The following GID4 variants were observed in gnomAD, a reference collection of about 807,000 sequenced individuals.
GID4 encodes the protein glucose-induced degradation protein 4 homolog.
GID4 carries 7 observed loss-of-function variants against 32.4 expected under a neutral mutation model. The ratio of observed to expected loss-of-function variants is 0.22; its 90% CI spans 0.12 to 0.41. The LOEUF is 0.41. Ranked by LOEUF, GID4 falls within the 10% of genes least tolerant of loss-of-function variation. The probability of loss-of-function intolerance (pLI) is 1.00; values close to 1 mark genes in which losing one functional copy is unlikely to be tolerated. For synonymous variants in GID4, 166 were observed against 170.0 expected (o/e 0.98, Z 0.18); for missense variants, 309 against 400.0 (o/e 0.77, Z 1.94).
chr17:18,049,112 G>C (rs1008617163), intron 2 of GID4, among the ~76,000 whole-genome samples: 5 of 151,480 alleles, frequency 3.3e-5, no homozygotes, highest in Non-Finnish European at 5.9e-5. Context: ...GAGGCAGCTG[G>C]ATCGCCTGAG....
intron 2 of GID4, among the ~76,000 whole-genome samples, chr17:18,050,048 A>G (rs944328821): frequency 6.6e-6 from 1 of 152,216 alleles, no homozygotes; most frequent in African/African-American, 2.4e-5. Flanking sequence ...TTCACGCAAA[A>G]GACATGATCT....
At chr17:18,041,141 C>T (rs1263451906) in intron 1 of GID4, among the ~76,000 whole-genome samples, 1 of 152,104 alleles carries the variant, frequency 6.6e-6, no homozygotes, top group Admixed American at 6.6e-5. Flanking sequence ...AGGCTGTTCC[C>T]AGAAGCCCCT....
At chr17:18,063,090 A>G (rs1162820948) in intron 5 of GID4, among the ~76,000 whole-genome samples, 18 of 141,860 alleles carry the variant, frequency 1.3e-4, no homozygotes, top group Non-Finnish European at 2.6e-4. Context: ...AAATAAATAA[A>G]TAAATAAATA....
intron 3 of GID4, chr17:18,057,282 A>C: frequency 2.5e-6 from 1 of 397,728 alleles, no homozygotes; most frequent in Non-Finnish European, 4.6e-6. Flanking sequence ...AAATATAAAA[A>C]TTAACCAGGC....
chr17:18,055,835 C>T (rs554037362), intron 3 of GID4, among the ~76,000 whole-genome samples: 2 of 150,916 alleles, frequency 1.3e-5, no homozygotes, highest in Non-Finnish European at 3.0e-5. Context: ...TTGTTTTGTT[C>T]TGTTTTGTTT....
Position 18,039,496 on chromosome 17 carries a change from C to G in GID4, c.32C>G (p.Thr11Ser), listed in dbSNP as rs2044760585. ...GCGCGAGGGCAAGTCGGGAGGGGGACCCAGCTCAGGACTGGGAGGCCCTGC... is the reference window on the plus strand; with the variant it reads ...GCGCGAGGGCAAGTCGGGAGGGGGAGCCAGCTCAGGACTGGGAGGCCCTGC... The part of the protein sequence containing the change: MCARGQVGRG[T>S]QLRTGRPCSQ... The change falls in exon 1 of 6, where the codon ACC becomes AGC. Residue 11 changes from threonine (T) to serine (S), a missense_variant. Thr to Ser is a moderately conservative substitution (Grantham distance 58, BLOSUM62 1). This residue lies in a region of GID4 where 193 missense variants were observed against 185.8 expected (regional missense o/e 1.04). Transcript: ENST00000268719. This position sits in a 1 kb window ranked among gnomAD's most constrained non-coding sequence, Gnocchi z 5.3. The G allele has an allele frequency of 7.5e-7, 1 of 1,335,082 alleles. No homozygotes were observed. Among genetic ancestry groups the G allele is most frequent in the South Asian group, 2.1e-5 (1 of 47,366 alleles). 82.7% of individuals were successfully genotyped at this position (1,335,082 alleles called of 1,614,324 possible). A position where few individuals can be genotyped will look rare whatever the true frequency, so the allele number is the denominator to read the frequency against.
At chr17:18,060,797 G>C (rs548921464) in intron 4 of GID4, among the ~76,000 whole-genome samples, 61 of 152,074 alleles carry the variant, frequency 4.0e-4, no homozygotes, top group Non-Finnish European at 8.1e-4. Context: ...GCAATGGCGC[G>C]ATCTCGGTTC....
At chr17:18,048,064 C>G (rs1007639092) in intron 2 of GID4, among the ~76,000 whole-genome samples, 2 of 151,716 alleles carry the variant, frequency 1.3e-5, no homozygotes, top group African/African-American at 4.9e-5. Context: ...CCACACCCGG[C>G]TAATTTTTTT....
At position 18,058,882 on chromosome 17, in the gene GID4, T is replaced by C. The variant is rs771818666; in HGVS notation, c.621T>C (p.Ala207=). The change falls in exon 4 of 6, where the codon GCT becomes GCC. Residue 207 remains alanine, a synonymous_variant. Transcript: ENST00000268719. ...VDRKHWGKFL[A]FYQYAKSFNS... ...TCTGCTTTCAGGGCAAGTTTCTGGC[T>C]TTTTATCAGTATGCAAAATCATTTA... The C allele has an allele frequency of 2.5e-6, 4 of 1,610,660 alleles. No individual in the cohort carries two copies. The South Asian group carries it at 3.3e-5, about 13-fold the overall frequency.
In GID4 at chr17:18,065,173, C is replaced by T. The variant is rs1469957182; in HGVS notation, c.840-7C>T. The T allele has an allele frequency of 6.2e-6, 10 of 1,611,644 alleles. No individual in the cohort carries two copies. The highest frequency in any genetic ancestry group is 8.5e-6 in the Non-Finnish European group (10 of 1,177,858). On this transcript the variant is annotated splice_polypyrimidine_tract_variant and splice_region_variant and intron_variant, in intron 5 of 5. Coordinates refer to ENST00000268719, the MANE Select transcript of GID4 (RefSeq NM_024052.5). ...TACCTCCCGTTTCTGTCTCCTCCCC[C>T]TTGCAGGTATCAGTCCCTCAATCTA...
At chr17:18,049,091 T>TTA (rs1308057350) in intron 2 of GID4, among the ~76,000 whole-genome samples, 3 of 151,668 alleles carry the variant, frequency 2.0e-5, no homozygotes, top group African/African-American at 7.3e-5. Context: ...ATCCCAGCAC[T>TTA]TTGGGAGGCT....
intron 5 of GID4, among the ~76,000 whole-genome samples, chr17:18,064,060 AT>A (rs1458455779): frequency 5.3e-5 from 8 of 152,134 alleles, no homozygotes; most frequent in African/African-American, 1.9e-4. Flanking sequence ...ACCACATTTT[AT>A]TTATCCATTC....
At chr17:18,059,940 G>A (rs111553744) in intron 4 of GID4, among the ~76,000 whole-genome samples, 1 of 151,612 alleles carries the variant, frequency 6.6e-6, no homozygotes, top group African/African-American at 2.4e-5. Flanking sequence ...CAAAAAATTA[G>A]CCGGGCATGT....
At chr17:18,053,107 C>G (rs969346374) in intron 2 of GID4, among the ~76,000 whole-genome samples, 6 of 148,684 alleles carry the variant, frequency 4.0e-5, no homozygotes, top group African/African-American at 1.5e-4. Context: ...ACTCCGCCTC[C>G]AGGTTCAAGC....
chr17:18,055,012 A>G (rs1347299660), intron 3 of GID4, among the ~76,000 whole-genome samples: 1 of 152,092 alleles, frequency 6.6e-6, no homozygotes, highest in Non-Finnish European at 1.5e-5. Flanking sequence ...TCTACCAAAA[A>G]TACAAAAAAT....
chr17:18,061,727 A>G lies in GID4; in HGVS notation c.709-118A>G. The G allele has an allele frequency of 1.0e-6, 1 of 964,418 alleles. No homozygotes were observed. The highest frequency in any genetic ancestry group is 1.4e-5 in the South Asian group (1 of 70,252). 59.7% of individuals were successfully genotyped at this position (964,418 alleles called of 1,614,324 possible). On this transcript the variant is annotated intron_variant, in intron 4 of 5. Transcript: ENST00000268719. This position sits in a 1 kb window ranked among gnomAD's most constrained non-coding sequence, Gnocchi z 4.4. ...CCATCACCCAGCAAGTCTAGGTTAG[A>G]CTATGAGATCCTATATTTTTCTCGA...
intron 1 of GID4, among the ~76,000 whole-genome samples, chr17:18,040,353 G>A (rs954603908): frequency 3.3e-5 from 5 of 152,182 alleles, no homozygotes; most frequent in Non-Finnish European, 5.9e-5. Flanking sequence ...TCAGACCTGA[G>A]ACATGTCCTC....
chr17:18,043,681 T>C (rs1169615529), intron 1 of GID4, among the ~76,000 whole-genome samples: 1 of 152,258 alleles, frequency 6.6e-6, no homozygotes, highest in Non-Finnish European at 1.5e-5. Flanking sequence ...TGACATCATC[T>C]GGTTGACTAA....
chr17:18,065,311 G>T lies in GID4; in HGVS notation c.*68G>T. 8.7e-7 allele frequency: 1 copy of T among 1,153,664 alleles called. No homozygotes were observed. Among genetic ancestry groups the T allele is most frequent in the Non-Finnish European group, 1.3e-6 (1 of 765,390 alleles). 71.5% of individuals were successfully genotyped at this position (1,153,664 alleles called of 1,614,324 possible). A position where few individuals can be genotyped will look rare whatever the true frequency, so the allele number is the denominator to read the frequency against. On this transcript the variant is annotated 3_prime_UTR_variant, in exon 6 of 6. Coordinates refer to ENST00000268719, the MANE Select transcript of GID4 (RefSeq NM_024052.5). ...AAAAGAACTTTGCCGAGAAAATTGT[G>T]TACCTGCCAGAACCAGGAGAAGTGT... is the stretch of plus-strand genomic sequence containing the variant.
Sources: allele counts gnomAD v4.1 joint callset (sites outside exome capture counted in the v4.1 genomes callset), GRCh38; gene constraint gnomAD v4.1.1; regional missense constraint gnomAD v4.1.1; non-coding constraint Gnocchi (gnomAD v3.1); transcripts MANE v1.5; gene names NCBI Gene and HGNC (gene_info 2026-07-23, HGNC 2026-07-21).